The following LAMA3 variants were observed in gnomAD, a reference collection of about 807,000 sequenced individuals.
The protein encoded by LAMA3 is laminin subunit alpha-3.
A neutral mutation model predicts 402.0 loss-of-function variants in LAMA3; 281 were observed. The ratio of observed to expected loss-of-function variants is 0.70; its 90% CI spans 0.63 to 0.77. The LOEUF is 0.77. LAMA3 is among the 30% of genes least tolerant of loss of function. The pLI, the probability that LAMA3 is intolerant of heterozygous loss-of-function variation, is 0.00. For missense variants in LAMA3, 3,840 were observed against 4,215.5 expected, an observed-to-expected ratio of 0.91 and a Z score of 2.47; for synonymous variants, 1,431 against 1,558.4, an observed-to-expected ratio of 0.92 and a Z score of 1.93.
At chr18:23,915,533 G>T (rs1599086552) in intron 59 of LAMA3, 111 bp downstream of exon 59, 1 of 1,016,516 alleles carries the variant, frequency 9.8e-7, no homozygotes, top group Non-Finnish European at 1.5e-6. Context: ...GTTGCTAGTT[G>T]CTTTGGGCCA....
intron 6 of LAMA3, among the ~76,000 whole-genome samples, chr18:23,756,049 G>A (rs1351069294): frequency 1.3e-5 from 2 of 152,116 alleles, no homozygotes; most frequent in African/African-American, 4.8e-5. Context: ...AAATAATCTT[G>A]TAGTCTAGCT....
chr18:23,941,326 G>A (rs111826825), intron 68 of LAMA3, among the ~76,000 whole-genome samples: 2 of 40,036 alleles, frequency 5.0e-5, no homozygotes, highest in Non-Finnish European at 1.1e-4. Context: ...TCAGCTTGGC[G>A]CCCCCCCCCC....
In LAMA3 at chr18:23,689,898, G is replaced by T; in HGVS notation, c.215G>T (p.Gly72Val). Residue 72 changes from glycine (G) to valine (V), a missense_variant, in exon 1 of 75, where the codon GGC becomes GTC. Physicochemically the swap from Gly to Val is moderately radical, Grantham distance 109. Around this residue, in one of 3 missense-constraint regions of LAMA3, gnomAD observed 2,109 missense variants for 2,376.0 expected, o/e 0.89. Coordinates refer to ENST00000313654, the MANE Select transcript of LAMA3 (RefSeq NM_198129.4). ...GCCACCTGCGGGGAGAGGGGACCCG[G>T]CGAGGGGAGGCCCCAGCCCGAGCTC... ...ATATCGERGP[G>V]EGRPQPELYC... 1 of 1,537,050 alleles carries T rather than the reference G, an allele frequency of 6.5e-7. No individual in the cohort carries two copies.
chr18:23,810,050 G>T (rs1456364796), intron 12 of LAMA3, among the ~76,000 whole-genome samples: 2 of 152,138 alleles, frequency 1.3e-5, no homozygotes, highest in African/African-American at 4.8e-5. Context: ...TGAAATTCAT[G>T]ACAGCAATAA....
intron 8 of LAMA3, among the ~76,000 whole-genome samples, chr18:23,772,796 T>TTA (rs1222412251): frequency 6.6e-6 from 1 of 152,228 alleles, no homozygotes; most frequent in Non-Finnish European, 1.5e-5. Flanking sequence ...GTCCTCCTAA[T>TTA]TATTCCCAAG....
Position 23,914,580 on chromosome 18 carries a change from G to A in LAMA3, c.7481+19G>A. The A allele has an allele frequency of 6.2e-7, 1 of 1,613,560 alleles. No homozygotes were observed. The highest frequency in any genetic ancestry group is 8.5e-7 in the Non-Finnish European group (1 of 1,179,644). On this transcript the variant is annotated intron_variant, in intron 57 of 74. Coordinates refer to ENST00000313654, the MANE Select transcript of LAMA3 (RefSeq NM_198129.4). Reference sequence around the variant, plus strand: ...TTCAGAGGTACAAGTCTGATTGACTGTACCTGTGCTCACCAAACTTCCATG... The same window carrying A: ...TTCAGAGGTACAAGTCTGATTGACTATACCTGTGCTCACCAAACTTCCATG...
At chr18:23,943,571 A>G (rs945629521) in intron 68 of LAMA3, among the ~76,000 whole-genome samples, 6 of 152,196 alleles carry the variant, frequency 3.9e-5, no homozygotes, top group African/African-American at 1.4e-4. Context: ...TTATTCCCCA[A>G]TGTAGTAAGG....
chr18:23,719,106 C>T (rs1340431389), intron 2 of LAMA3, among the ~76,000 whole-genome samples: 1 of 152,206 alleles, frequency 6.6e-6, no homozygotes, highest in Non-Finnish European at 1.5e-5. Flanking sequence ...TTCCTCTCTT[C>T]CCAGTTTGTG....
chr18:23,808,827 C>G (rs1178374003), intron 12 of LAMA3, among the ~76,000 whole-genome samples: 1 of 152,192 alleles, frequency 6.6e-6, no homozygotes, highest in African/African-American at 2.4e-5. Context: ...ATGGTCTCGT[C>G]CCTGTGGGGG....
intron 48 of LAMA3, 145 bp downstream of exon 48, chr18:23,901,468 C>T (rs1278760788): frequency 7.1e-6 from 5 of 707,416 alleles, no homozygotes; most frequent in African/African-American, 3.6e-5. Flanking sequence ...AGGAACAAAG[C>T]GTTAAGTGCA....
At chr18:23,713,145 C>T (rs762894739) in intron 1 of LAMA3, among the ~76,000 whole-genome samples, 6 of 151,984 alleles carry the variant, frequency 3.9e-5, no homozygotes, top group Non-Finnish European at 5.9e-5. Context: ...AAAATGGATC[C>T]CCATTTACTT....
At chr18:23,905,335 C>A (rs2081206276) in intron 51 of LAMA3, among the ~76,000 whole-genome samples, 187 bp from the exon 52 acceptor site, 1 of 152,138 alleles carries the variant, frequency 6.6e-6, no homozygotes, top group Non-Finnish European at 1.5e-5. Flanking sequence ...CTCCCCAAGC[C>A]ACATAATTCA....
chr18:23,781,866 T>G (rs1205964456), intron 11 of LAMA3, among the ~76,000 whole-genome samples: 1 of 152,246 alleles, frequency 6.6e-6, no homozygotes, highest in African/African-American at 2.4e-5. Flanking sequence ...ACAGTCAGTA[T>G]GCTAAAATGG....
Position 23,689,782 on chromosome 18 carries a change from G to T in LAMA3, c.99G>T (p.Gly33=). ...TACTGCGGGTGCTGCCAGCCTGCGG[G>T]GCGACCGCTCGGGATCCCGGGGCCG... ...LLVLRVLPAC[G]ATARDPGAAA... is the part of the protein sequence containing the mutation. Residue 33 remains glycine (G), a synonymous_variant, in exon 1 of 75, where the codon GGG becomes GGT. Coordinates refer to ENST00000313654, the MANE Select transcript of LAMA3 (RefSeq NM_198129.4). 1 of 1,531,756 alleles carries T rather than the reference G, an allele frequency of 6.5e-7. No homozygotes were observed. Among genetic ancestry groups the T allele is most frequent in the Admixed American group, 2.0e-5 (1 of 50,412 alleles). 94.9% of individuals were successfully genotyped at this position (1,531,756 alleles called of 1,614,324 possible). A position where few individuals can be genotyped will look rare whatever the true frequency, so the allele number is the denominator to read the frequency against.
At chr18:23,900,066 T>C (rs1005539090) in intron 47 of LAMA3, among the ~76,000 whole-genome samples, 1 of 45,528 alleles carries the variant, frequency 2.2e-5, no homozygotes, top group Non-Finnish European at 1.2e-4. Context: ...TTTGTGTGTG[T>C]GTGCGTGTGT....
At chr18:23,703,658 GGTGT>G (rs531793037) in intron 1 of LAMA3, among the ~76,000 whole-genome samples, 1 of 151,446 alleles carries the variant, frequency 6.6e-6, no homozygotes, top group Non-Finnish European at 1.5e-5. Context: ...TAAAAAAAAA[GGTGT>G]GTGTGTGTGT....
intron 38 of LAMA3, chr18:23,872,968 G>A (rs1437488465): frequency 6.3e-7 from 1 of 1,585,064 alleles, no homozygotes; most frequent in East Asian, 2.2e-5. Flanking sequence ...GGCAGGCCCG[G>A]GCACTGAGCA....
intron 39 of LAMA3, among the ~76,000 whole-genome samples, chr18:23,881,723 T>A (rs554169976): frequency 1.3e-5 from 2 of 152,206 alleles, no homozygotes; most frequent in Admixed American, 6.5e-5. Flanking sequence ...CTGCCAATGT[T>A]AAGCACCGCG....
Position 23,882,024 on chromosome 18 carries a change from G to C in LAMA3, c.5201G>C (p.Cys1734Ser), listed in dbSNP as rs756233591. The C allele has an allele frequency of 6.2e-7, 1 of 1,613,468 alleles. No homozygotes were observed. The highest frequency in any genetic ancestry group is 1.1e-5 in the South Asian group (1 of 91,048). Reference sequence around the variant, plus strand: ...GCCGTCCACGGATCCTGCAGGGCCTGCCCATGTCCTCACACTAACAGGTAC... The same window carrying C: ...GCCGTCCACGGATCCTGCAGGGCCTCCCCATGTCCTCACACTAACAGGTAC... ...GNAVHGSCRA[C>S]PCPHTNSFAT... Residue 1734 changes from cysteine (C) to serine (S), a missense_variant, in exon 40 of 75, where the codon TGC (cysteine) becomes TCC (serine). By Grantham distance (112) the Cys-to-Ser change is moderately radical (BLOSUM62 -1). This residue lies in a region of LAMA3 where 2,109 missense variants were observed against 2,376.0 expected (regional missense o/e 0.89). Transcript: ENST00000313654.
Sources: gnomAD v4.1 joint callset for allele counts (sites outside exome capture counted in the v4.1 genomes callset) on GRCh38, gnomAD v4.1.1 for gene constraint, gnomAD v4.1.1 regional missense constraint, MANE v1.5 for transcripts, NCBI Gene and HGNC (gene_info 2026-07-23, HGNC 2026-07-21) for gene names.